PEX2: variants seen among roughly 807,000 people sequenced by gnomAD.
PEX2 encodes the protein peroxisomal biogenesis factor 2.
A neutral mutation model predicts 25.2 loss-of-function variants in PEX2; 19 were observed. The observed-to-expected ratio is 0.75, with a 90% confidence interval of 0.53 to 1.10. PEX2 has a LOEUF of 1.10. Among genes scored for constraint, PEX2 ranks in the 50% least tolerant of loss-of-function variants. The pLI is 0.00. For synonymous variants in PEX2, 141 were observed against 127.7 expected, an observed-to-expected ratio of 1.10 and a Z score of -0.70; for missense variants, 347 against 350.6, an observed-to-expected ratio of 0.99 and a Z score of 0.08.
intron 1 of PEX2, among the ~76,000 whole-genome samples, chr8:76,998,773 T>C (rs193110148): frequency 2.0e-5 from 3 of 152,300 alleles, no homozygotes; most frequent in Non-Finnish European, 2.9e-5. Context: ...CAAGTTCTCC[T>C]ATGGAACAGT....
In PEX2 at chr8:76,982,098, T is replaced by A. The variant is rs1806846787; in HGVS notation, c.*1163A>T. On this transcript the variant is annotated 3_prime_UTR_variant, in exon 4 of 4. Transcript: ENST00000357039. ...TAGCAAGATGTTTATTTAAAAACAT[T>A]TAAAAACTGTTTTTTAAAAAACATT... is the stretch of plus-strand genomic sequence containing the variant. The A allele has an allele frequency of 6.6e-6, 1 of 152,182 alleles. No homozygotes were observed. Among genetic ancestry groups the A allele is most frequent in the Non-Finnish European group, 1.5e-5 (1 of 68,034 alleles). 9.4% of individuals were successfully genotyped at this position (152,182 alleles called of 1,614,324 possible). A position where few individuals can be genotyped will look rare whatever the true frequency, so the allele number is the denominator to read the frequency against.
upstream of PEX2, chr8:77,000,257 A>T (rs1197473996): frequency 3.3e-6 from 1 of 305,632 alleles, no homozygotes; most frequent in African/African-American, 2.2e-5. Flanking sequence ...GAAAAGCCGA[A>T]GCGGACACCC....
chr8:77,000,552 G>A (rs996018481), upstream of PEX2, among the ~76,000 whole-genome samples: 3 of 152,204 alleles, frequency 2.0e-5, no homozygotes, highest in Non-Finnish European at 4.4e-5. Context: ...TGGGGAGGGA[G>A]CCCTCGGGCA....
intron 1 of PEX2, among the ~76,000 whole-genome samples, chr8:76,993,597 T>C (rs1807236270): frequency 6.6e-6 from 1 of 152,206 alleles, no homozygotes; most frequent in Non-Finnish European, 1.5e-5. Flanking sequence ...ACAATTTCTA[T>C]ATTATTGGTC....
rs899548154 is a variant in PEX2, at chr8:76,981,624, T to C, written c.*1637A>G. 4 of 152,200 alleles carry C rather than the reference T, an allele frequency of 2.6e-5. No homozygotes were observed. Among genetic ancestry groups the C allele is most frequent in the African/African-American group, 9.7e-5 (4 of 41,446 alleles). The allele number at this position is 152,200 out of a possible 1,614,324, so 9.4% of individuals were successfully genotyped here. ...CCCTAAAATAGTTTTGAAGAATATT[T>C]ATACATAGGAAAAAATGCTATTTTT... On this transcript the variant is annotated 3_prime_UTR_variant, in exon 4 of 4. Transcript: ENST00000357039.
upstream of PEX2, among the ~76,000 whole-genome samples, chr8:77,000,458 G>C (rs1807478610): frequency 6.6e-6 from 1 of 152,064 alleles, no homozygotes; most frequent in Non-Finnish European, 1.5e-5. Context: ...TCTGGCAGGC[G>C]CCGCCGGGTG....
intron 1 of PEX2, among the ~76,000 whole-genome samples, chr8:76,989,202 C>CA (rs1807093183): frequency 6.6e-6 from 1 of 151,656 alleles, no homozygotes; most frequent in South Asian, 2.1e-4. Context: ...AGAGGGGAAG[C>CA]AAGTCCTTAT....
At chr8:76,999,022 ATC>A (rs1294746516) in intron 1 of PEX2, among the ~76,000 whole-genome samples, 5 of 151,878 alleles carry the variant, frequency 3.3e-5, no homozygotes, top group Admixed American at 3.3e-4. Context: ...ATTCTTTCAA[ATC>A]TCTTTCTGGC....
chr8:76,983,426 G>C lies in PEX2; in HGVS notation c.753C>G (p.Pro251=). 1 of 1,614,044 alleles carries C rather than the reference G, an allele frequency of 6.2e-7. No individual in the cohort carries two copies. Among genetic ancestry groups the C allele is most frequent in the Non-Finnish European group, 8.5e-7 (1 of 1,180,008 alleles). The change falls in exon 4 of 4, where the codon CCC becomes CCG. Residue 251 remains proline (P), a synonymous_variant. Coordinates refer to ENST00000357039, the MANE Select transcript of PEX2 (RefSeq NM_000318.3). ...CACATCCTATGGTGTGAGGCATGGT[G>C]GGCCACTCTCCACATAGAGCGCATT... The part of the protein sequence containing the change: ...GKECALCGEW[P]TMPHTIGCEH...
rs773451765 is a variant in PEX2, at chr8:76,983,801, G to T, written c.378C>A (p.Asn126Lys). Residue 126 changes from asparagine (N) to lysine (K), a missense_variant, in exon 4 of 4, where the codon AAC becomes AAA. Asn to Lys is a moderately conservative substitution (Grantham distance 94). Coordinates refer to ENST00000357039, the MANE Select transcript of PEX2 (RefSeq NM_000318.3). ...LEERCYDLFR[N>K]HHLASFGKVK... is the part of the protein sequence containing the mutation. ...CTTTCCCAAATGATGCTAAATGATG[G>T]TTTCGAAACAAATCATAGCATCGTT... is the stretch of plus-strand genomic sequence containing the variant. The T allele has an allele frequency of 6.2e-7, 1 of 1,614,064 alleles. No homozygotes were observed. Among genetic ancestry groups the T allele is most frequent in the Non-Finnish European group, 8.5e-7 (1 of 1,180,004 alleles).
rs771887257 is a variant in PEX2, at chr8:76,981,716, T to C, written c.*1545A>G. Reference sequence around the variant, plus strand: ...ACAAATCTACAAATATAGTAAAATATAGTGATGATCTCTCTCAAAAAATTG... The same window carrying C: ...ACAAATCTACAAATATAGTAAAATACAGTGATGATCTCTCTCAAAAAATTG... On this transcript the variant is annotated 3_prime_UTR_variant, in exon 4 of 4. Coordinates refer to ENST00000357039, the MANE Select transcript of PEX2 (RefSeq NM_000318.3). The C allele has an allele frequency of 6.6e-5, 10 of 152,186 alleles. No homozygotes were observed. Among genetic ancestry groups the C allele is most frequent in the African/African-American group, 9.6e-5 (4 of 41,462 alleles). The allele number at this position is 152,186 out of a possible 1,614,324, so 9.4% of individuals were successfully genotyped here. A position where few individuals can be genotyped will look rare whatever the true frequency, so the allele number is the denominator to read the frequency against.
chr8:76,999,659 T>A (rs530532258), intron 1 of PEX2: 12 of 364,138 alleles, frequency 3.3e-5, no homozygotes, highest in Admixed American at 1.5e-4. Flanking sequence ...TTATAAGAGG[T>A]AAATATCTTC....
chr8:76,995,418 A>G (rs959612652), intron 1 of PEX2, among the ~76,000 whole-genome samples: 10 of 152,214 alleles, frequency 6.6e-5, no homozygotes, highest in African/African-American at 2.2e-4. Flanking sequence ...TATCTGAAAG[A>G]TAAACTTCAA....
In PEX2 at chr8:76,981,242, A is replaced by C. The variant is rs926818784; in HGVS notation, c.*2019T>G. 5.3e-5 allele frequency: 8 copies of C among 152,312 alleles called. No individual in the cohort carries two copies. Among genetic ancestry groups the C allele is most frequent in the African/African-American group, 1.9e-4 (8 of 41,440 alleles). The allele number at this position is 152,312 out of a possible 1,614,324, so 9.4% of individuals were successfully genotyped here. On this transcript the variant is annotated 3_prime_UTR_variant, in exon 4 of 4. Coordinates refer to ENST00000357039, the MANE Select transcript of PEX2 (RefSeq NM_000318.3). ...TCCCACAACTTTGGGAGGCCAGGGTAGGAGGACTGCTTGAGCCCAGAAGTT... is the reference window on the plus strand; with the variant it reads ...TCCCACAACTTTGGGAGGCCAGGGTCGGAGGACTGCTTGAGCCCAGAAGTT...
intron 2 of PEX2, chr8:76,987,816 C>T (rs1002244574): frequency 6.6e-6 from 1 of 152,020 alleles, no homozygotes; most frequent in African/African-American, 2.4e-5. Flanking sequence ...GATAGTGATC[C>T]AAGTCCCTGA....
At chr8:76,992,420 T>C (rs1302176173) in intron 1 of PEX2, among the ~76,000 whole-genome samples, 1 of 152,156 alleles carries the variant, frequency 6.6e-6, no homozygotes, top group Non-Finnish European at 1.5e-5. Context: ...TTCTTCCTCA[T>C]CACACATACT....
In PEX2 at chr8:77,000,049, A is replaced by G. The variant is rs1159647373; in HGVS notation, c.-219T>C. ...ACTTTCTCTGAAACATTCTCTGGAA[A>G]GCTTGTCTTTTCCTAGCCGAATCTG... is the stretch of plus-strand genomic sequence containing the variant. On this transcript the variant is annotated 5_prime_UTR_variant, in exon 1 of 4. Coordinates refer to ENST00000357039, the MANE Select transcript of PEX2 (RefSeq NM_000318.3). 1 of 438,602 alleles carries G rather than the reference A, an allele frequency of 2.3e-6. No homozygotes were observed. Among genetic ancestry groups the G allele is most frequent in the Non-Finnish European group, 4.6e-6 (1 of 217,436 alleles). 27.2% of individuals were successfully genotyped at this position (438,602 alleles called of 1,614,324 possible).
intron 1 of PEX2, among the ~76,000 whole-genome samples, chr8:76,989,544 T>C (rs976185762): frequency 6.6e-6 from 1 of 152,018 alleles, no homozygotes; most frequent in African/African-American, 2.4e-5. Context: ...AAAAAAAAAA[T>C]ATAAAAGTCA....
At chr8:77,000,380 A>G (rs538926174), upstream of PEX2, 33 of 155,568 alleles carry the variant, frequency 2.1e-4, no homozygotes, top group African/African-American at 7.9e-4. Context: ...ACAAGTGTCG[A>G]GGGGCCTAGG....
Sources: gnomAD v4.1 joint callset for allele counts (sites outside exome capture counted in the v4.1 genomes callset) on GRCh38, gnomAD v4.1.1 for gene constraint, MANE v1.5 for transcripts, NCBI Gene and HGNC (gene_info 2026-07-23, HGNC 2026-07-21) for gene names.